THEMIS: variants seen among roughly 807,000 people sequenced by gnomAD.
THEMIS encodes the protein protein THEMIS.
THEMIS carries 37 observed loss-of-function variants against 52.6 expected under a neutral mutation model. The observed-to-expected ratio is 0.70, with a 90% CI of 0.54 to 0.93. THEMIS has a LOEUF of 0.93. THEMIS is among the 40% of genes least tolerant of loss of function. THEMIS has a pLI of 0.00. For synonymous variants in THEMIS, 292 were observed against 272.7 expected, an observed-to-expected ratio of 1.07 and a Z score of -0.70; for missense variants, 808 against 763.1, an observed-to-expected ratio of 1.06 and a Z score of -0.69.
chr6:127,825,227 G>T (rs1044548481), intron 3 of THEMIS, among the ~76,000 whole-genome samples: 2 of 152,034 alleles, frequency 1.3e-5, no homozygotes, highest in African/African-American at 4.8e-5. Context: ...AGAGAGAAGA[G>T]AAAATATAAT....
chr6:127,748,733 C>T (rs1348745177), intron 4 of THEMIS, among the ~76,000 whole-genome samples: 1 of 152,050 alleles, frequency 6.6e-6, no homozygotes, highest in African/African-American at 2.4e-5. Flanking sequence ...TTTTTAATCT[C>T]AGTTCTGTTA....
chr6:127,808,474 A>G (rs1295755912), intron 4 of THEMIS, among the ~76,000 whole-genome samples: 2 of 152,186 alleles, frequency 1.3e-5, no homozygotes, highest in Non-Finnish European at 2.9e-5. Context: ...TATTGTTTCC[A>G]TCAGATTAAA....
At chr6:127,811,846 G>T (rs926147814) in intron 4 of THEMIS, among the ~76,000 whole-genome samples, 1 of 152,140 alleles carries the variant, frequency 6.6e-6, no homozygotes, top group Admixed American at 6.5e-5. Context: ...AAAACTGTTT[G>T]TCTGGGAAGA....
chr6:127,825,042 C>T (rs552993289), intron 3 of THEMIS, among the ~76,000 whole-genome samples: 1 of 152,042 alleles, frequency 6.6e-6, no homozygotes, highest in East Asian at 1.9e-4. Context: ...AGAAATAACT[C>T]TTGGAAATTA....
At chr6:127,909,426 T>G (rs566100517) in intron 1 of THEMIS, among the ~76,000 whole-genome samples, 106 of 152,088 alleles carry the variant, frequency 7.0e-4, no homozygotes, top group Admixed American at 1.2e-3. Flanking sequence ...TCTGATGGTT[T>G]TATAAGGAGC....
At chr6:127,905,579 T>C (rs1230928218), upstream of THEMIS, among the ~76,000 whole-genome samples, 2 of 152,074 alleles carry the variant, frequency 1.3e-5, no homozygotes, top group Non-Finnish European at 2.9e-5. Context: ...AATATGTCAG[T>C]GAACTGAATA....
chr6:127,873,011 G>C (rs1382217040), intron 1 of THEMIS, among the ~76,000 whole-genome samples: 3 of 152,168 alleles, frequency 2.0e-5, no homozygotes, highest in African/African-American at 7.2e-5. Context: ...CTATGAACCT[G>C]TGGATAATGA....
At chr6:127,788,948 C>T (rs552784173) in intron 4 of THEMIS, among the ~76,000 whole-genome samples, 65 of 151,944 alleles carry the variant, frequency 4.3e-4, no homozygotes, top group African/African-American at 1.5e-3. Context: ...AAATCGACAC[C>T]GTAACATCAC....
chr6:127,745,539 C>T (rs1775358639), intron 4 of THEMIS, among the ~76,000 whole-genome samples: 1 of 151,750 alleles, frequency 6.6e-6, no homozygotes, highest in Non-Finnish European at 1.5e-5. Context: ...TGGTCTGTTG[C>T]TATCAACATA....
chr6:127,868,471 T>G (rs1022342660), intron 1 of THEMIS: 1 of 985,288 alleles, frequency 1.0e-6, no homozygotes, highest in Non-Finnish European at 1.2e-6. Context: ...GATCAGCATT[T>G]CCCAACCTTC....
chr6:127,798,772 C>T (rs529827296), intron 4 of THEMIS, among the ~76,000 whole-genome samples: 47 of 152,002 alleles, frequency 3.1e-4, no homozygotes, highest in South Asian at 8.3e-4. Flanking sequence ...GGGCGGATCA[C>T]GAGGTCAGGA....
chr6:127,813,513 A>G lies in THEMIS; in HGVS notation c.1128T>C (p.Pro376=). 1 of 1,613,782 alleles carries G rather than the reference A, an allele frequency of 6.2e-7. No individual in the cohort carries two copies. The highest frequency in any genetic ancestry group is 8.5e-7 in the Non-Finnish European group (1 of 1,179,902). ...CAGATACGGATGACAGCTTGTCATG[A>G]GGGGAATGAAACGCTTTGGTGGCCA... is the stretch of plus-strand genomic sequence containing the variant. ...HVVATKAFHS[P]HDKLSSVSVG... is the part of the protein sequence containing the mutation. Residue 376 remains proline (P), a synonymous_variant, in exon 4 of 6, where the codon CCT becomes CCC. Coordinates refer to ENST00000368248, the MANE Select transcript of THEMIS (RefSeq NM_001010923.3).
chr6:127,813,736 T>C lies in THEMIS; in HGVS notation c.905A>G (p.Gln302Arg), dbSNP rs1474188627. The C allele has an allele frequency of 2.2e-5, 35 of 1,613,940 alleles. No homozygotes were observed. Among genetic ancestry groups the C allele is most frequent in the Non-Finnish European group, 2.8e-5 (33 of 1,179,946 alleles). Reference sequence around the variant, plus strand: ...GTGGATCACAATGGTTTTCCCAGGCTGTAAAATGCTTTGGGGCAGGTGGTT... The same window carrying C: ...GTGGATCACAATGGTTTTCCCAGGCCGTAAAATGCTTTGGGGCAGGTGGTT... The part of the protein sequence containing the change: ...EGNHLPQSIL[Q>R]PGKTIVIHKK... Residue 302 changes from glutamine to arginine, a missense_variant, in exon 4 of 6, where the codon CAG becomes CGG. By Grantham distance (43) the Gln-to-Arg change is conservative (BLOSUM62 1). Transcript: ENST00000368248.
At position 127,813,278 on chromosome 6, in the gene THEMIS, A is replaced by G; in HGVS notation, c.1363T>C (p.Leu455=). 1 of 1,614,106 alleles carries G rather than the reference A, an allele frequency of 6.2e-7. No homozygotes were observed. The highest frequency in any genetic ancestry group is 8.5e-7 in the Non-Finnish European group (1 of 1,180,018). Residue 455 remains leucine, a synonymous_variant, in exon 4 of 6, where the codon TTG becomes CTG. Transcript: ENST00000368248. ...ACAGACACCTTCACATTGAAGGGCA[A>G]ACGGAACTGTTTACAGAGCTCAGAA... is the stretch of plus-strand genomic sequence containing the variant. ...PISELCKQFR[L]PFNVKVSVRD...
chr6:127,892,538 C>A (rs1780843773), intron 1 of THEMIS, among the ~76,000 whole-genome samples: 1 of 152,112 alleles, frequency 6.6e-6, no homozygotes, highest in Admixed American at 6.6e-5. Context: ...ATTCTAGACC[C>A]TTTGACAATG....
upstream of THEMIS, among the ~76,000 whole-genome samples, chr6:127,902,324 C>CACA (rs1554248859): frequency 1.8e-5 from 2 of 109,752 alleles, no homozygotes; most frequent in African/African-American, 6.6e-5. Context: ...GACTCTGTCT[C>CACA]AAAAAAAAAA....
chr6:127,721,432 A>C (rs568625016), intron 4 of THEMIS, among the ~76,000 whole-genome samples: 1 of 152,058 alleles, frequency 6.6e-6, no homozygotes, highest in Admixed American at 6.6e-5. Context: ...ATTCTCTCAG[A>C]CTCCAAATTA....
rs200672377 is a variant in THEMIS at position 127,906,953 on chromosome 6, C to CAAA, written c.-149-5875_-149-5873dup. 3.2e-3 allele frequency among the ~76,000 whole-genome samples: 457 copies of CAAA among 140,762 alleles called. 7 individuals carry two copies. Among genetic ancestry groups the CAAA allele is most frequent in the East Asian group, 0.026 (123 of 4,812 alleles). 92.3% of individuals were successfully genotyped at this position (140,762 alleles called of 152,430 possible). ...GTAGAACTGTCTGAATGTTAAAAAA[C>CAAA]AAAAAAAAAAATTCACAAGCAGAGA... On this transcript the variant is annotated intron_variant, in intron 1 of 6. Coordinates refer to the THEMIS transcript ENST00000368250.
chr6:127,897,184 A>T (rs1780994159), intron 1 of THEMIS, among the ~76,000 whole-genome samples: 1 of 151,460 alleles, frequency 6.6e-6, no homozygotes, highest in East Asian at 1.9e-4. Context: ...TCTGAAGGTG[A>T]GGGTAAACAA....
Sources: gnomAD v4.1 joint callset for allele counts (sites outside exome capture counted in the v4.1 genomes callset) on GRCh38, gnomAD v4.1.1 for gene constraint, MANE v1.5 for transcripts, NCBI Gene and HGNC (gene_info 2026-07-23, HGNC 2026-07-21) for gene names.